Variants in MUC5AC observed in about 807,000 individuals in gnomAD.
MUC5AC encodes the protein mucin-5AC.
In MUC5AC, 158 loss-of-function variants were observed where a neutral mutation model predicts 169.7. That is an observed-to-expected ratio of 0.93 (90% confidence interval 0.82 to 1.06). The LOEUF (loss-of-function observed/expected upper bound fraction) is 1.06. Ranked by LOEUF, MUC5AC falls within the 50% of genes least tolerant of loss-of-function variation. The pLI is 0.00. For missense variants in MUC5AC, 4,359 were observed against 3,089.9 expected (o/e 1.41, Z -9.74); for synonymous variants, 1,975 against 1,237.0 (o/e 1.60, Z -12.52).
Position 1,183,434 on chromosome 11 carries a change from TG to T in MUC5AC, c.5291del (p.Gly1764ValfsTer37). The T allele has an allele frequency of 1.6e-6, 1 of 640,082 alleles. No homozygotes were observed. The highest frequency in any genetic ancestry group is 2.4e-5 in the Admixed American group (1 of 41,552). 39.7% of individuals were successfully genotyped at this position (640,082 alleles called of 1,614,324 possible). A position where few individuals can be genotyped will look rare whatever the true frequency, so the allele number is the denominator to read the frequency against. ...DVDFPSPGPH[G>X]GDKETYNNII... ...TGGACTTCCCGTCCCCCGGACCCCA[TG>T]GTGGAGACAAGGAAACCTACAACAA... On this transcript the variant is annotated frameshift_variant, in exon 31 of 49. Coordinates refer to ENST00000621226, the MANE Select transcript of MUC5AC (RefSeq NM_001304359.2). LOFTEE classifies it high-confidence loss of function.
At position 1,185,648 on chromosome 11, in the gene MUC5AC, C is replaced by A; in HGVS notation, c.7503C>A (p.Thr2501=). Residue 2501 remains threonine (T), a synonymous_variant, in exon 31 of 49, where the codon ACC becomes ACA. Coordinates refer to ENST00000621226, the MANE Select transcript of MUC5AC (RefSeq NM_001304359.2). ...GACCTGTTCCTACCACCAGCACAAC[C>A]TCTTCTCCTACAACCAGCACAACCT... ...TPRPVPTTST[T]SSPTTSTTSA... 2 of 739,054 alleles carry A rather than the reference C, an allele frequency of 2.7e-6. No homozygotes were observed. Among genetic ancestry groups the A allele is most frequent in the Non-Finnish European group, 4.9e-6 (2 of 404,814 alleles). 45.8% of individuals were successfully genotyped at this position (739,054 alleles called of 1,614,324 possible).
At chr11:1,163,721 G>A (rs1168761134) in intron 6 of MUC5AC, among the ~76,000 whole-genome samples, 161 bp from the exon 7 acceptor site, 1 of 152,106 alleles carries the variant, frequency 6.6e-6, no homozygotes, top group Non-Finnish European at 1.5e-5. Context: ...GTGGCCAAGC[G>A]GGTGCAGTCA....
rs1260649764 is a variant in MUC5AC at position 1,187,171 on chromosome 11, C to A, written c.9026C>A (p.Thr3009Lys). The change falls in exon 31 of 49, where the codon ACA becomes AAA. Residue 3009 changes from threonine to lysine, a missense_variant. Thr to Lys is a moderately conservative substitution (Grantham distance 78). Transcript: ENST00000621226. Reference sequence around the variant, plus strand: ...ACAACCAGCACAATCTCGGCCCCAACAACCAGCACACCCTCTGCCCCTACA... The same window carrying A: ...ACAACCAGCACAATCTCGGCCCCAAAAACCAGCACACCCTCTGCCCCTACA... ...APTTSTISAP[T>K]TSTPSAPTTS... The A allele has an allele frequency of 1.4e-6, 1 of 706,422 alleles. No homozygotes were observed. The highest frequency in any genetic ancestry group is 1.5e-5 in the South Asian group (1 of 68,172). 43.8% of individuals were successfully genotyped at this position (706,422 alleles called of 1,614,324 possible). A position where few individuals can be genotyped will look rare whatever the true frequency, so the allele number is the denominator to read the frequency against.
chr11:1,200,683 C>T lies in MUC5AC; in HGVS notation c.16946C>T (p.Pro5649Leu), dbSNP rs1481038817. 1.3e-6 allele frequency: 1 copy of T among 759,200 alleles called. No individual in the cohort carries two copies. The highest frequency in any genetic ancestry group is 1.4e-5 in the South Asian group (1 of 73,822). The allele number at this position is 759,200 out of a possible 1,614,324, so 47.0% of individuals were successfully genotyped here. A position where few individuals can be genotyped will look rare whatever the true frequency, so the allele number is the denominator to read the frequency against. ...AESGSWERGV[P>L]VSPMH ...AGTGGGAGCTGGGAGAGAGGCGTCCCAGTGTCCCCCATGCACTGACCAGCA... is the reference window on the plus strand; with the variant it reads ...AGTGGGAGCTGGGAGAGAGGCGTCCTAGTGTCCCCCATGCACTGACCAGCA... Residue 5649 changes from proline to leucine, a missense_variant, in exon 49 of 49, where the codon CCA (proline) becomes CTA (leucine). Transcript: ENST00000621226.
chr11:1,169,628 T>TCACTCACC (rs1860439888), intron 15 of MUC5AC, among the ~76,000 whole-genome samples: 1 of 109,832 alleles, frequency 9.1e-6, no homozygotes, highest in Non-Finnish European at 1.8e-5. Flanking sequence ...CTCACCTCAC[T>TCACTCACC]CACTCACCCA....
intron 30 of MUC5AC, among the ~76,000 whole-genome samples, chr11:1,181,712 C>T (rs1194719342): frequency 2.6e-5 from 4 of 152,324 alleles, no homozygotes; most frequent in East Asian, 3.9e-4. Flanking sequence ...CCCTCAGCAG[C>T]CCCCGGGCCT....
Position 1,185,504 on chromosome 11 carries a change from C to A in MUC5AC, c.7359C>A (p.Ser2453Arg). 2.7e-6 allele frequency: 2 copies of A among 727,612 alleles called. No individual in the cohort carries two copies. The highest frequency in any genetic ancestry group is 5.0e-6 in the Non-Finnish European group (2 of 398,952). 45.1% of individuals were successfully genotyped at this position (727,612 alleles called of 1,614,324 possible). ...STTSGPGTTPSPVPTTSTTSA... is the reference protein window; with the variant it reads ...STTSGPGTTPRPVPTTSTTSA... ...CTTCTGGTCCTGGAACTACCCCAAG[C>A]CCTGTTCCCACGACCAGCACAACCT... is the stretch of plus-strand genomic sequence containing the variant. The change falls in exon 31 of 49, where the codon AGC (serine) becomes AGA (arginine). Residue 2453 changes from serine (S) to arginine (R), a missense_variant. Transcript: ENST00000621226.
Position 1,191,583 on chromosome 11 carries a change from A to G in MUC5AC, c.13438A>G (p.Thr4480Ala), listed in dbSNP as rs1295109477. 17 of 744,510 alleles carry G rather than the reference A, an allele frequency of 2.3e-5. No homozygotes were observed. Among genetic ancestry groups the G allele is most frequent in the Middle Eastern group, 4.6e-4 (2 of 4,374 alleles). The allele number at this position is 744,510 out of a possible 1,614,324, so 46.1% of individuals were successfully genotyped here. ...ITSMTSGPGTTPSPVPTTSTT... is the reference protein window; with the variant it reads ...ITSMTSGPGTAPSPVPTTSTT... Reference sequence around the variant, plus strand: ...CAGCATGACCTCTGGTCCTGGAACTACTCCCAGCCCTGTTCCCACCACCAG... The same window carrying G: ...CAGCATGACCTCTGGTCCTGGAACTGCTCCCAGCCCTGTTCCCACCACCAG... Residue 4480 changes from threonine to alanine, a missense_variant, in exon 31 of 49, where the codon ACT becomes GCT. Physicochemically the swap from Thr to Ala is moderately conservative, Grantham distance 58 (BLOSUM62 0). Transcript: ENST00000621226.
intron 12 of MUC5AC, 82 bp downstream of exon 12, chr11:1,168,069 C>T (rs1860387117): frequency 2.5e-6 from 3 of 1,217,244 alleles, no homozygotes; most frequent in African/African-American, 1.5e-5. Context: ...CCAAGCCCTT[C>T]ATCCCTGGCA....
At position 1,196,662 on chromosome 11, in the gene MUC5AC, G is replaced by A. The variant is rs766568884; in HGVS notation, c.15771G>A (p.Pro5257=). Residue 5257 remains proline, a synonymous_variant, in exon 39 of 49, where the codon CCG becomes CCA. Coordinates refer to ENST00000621226, the MANE Select transcript of MUC5AC (RefSeq NM_001304359.2). ...CCATCACCGAAGGCTGCTTCTGTCC[G>A]GAGGGCATGACCCTCTTCAGCACCA... The part of the protein sequence containing the change: ...AGPITEGCFC[P]EGMTLFSTSA... 14 of 762,454 alleles carry A rather than the reference G, an allele frequency of 1.8e-5. No individual in the cohort carries two copies. The highest frequency in any genetic ancestry group is 2.6e-5 in the Non-Finnish European group (11 of 416,890). The allele number at this position is 762,454 out of a possible 1,614,324, so 47.2% of individuals were successfully genotyped here.
intron 32 of MUC5AC, among the ~76,000 whole-genome samples, chr11:1,193,203 G>A (rs919534564): frequency 6.6e-5 from 10 of 152,244 alleles, no homozygotes; most frequent in African/African-American, 2.2e-4. Flanking sequence ...GGGGCCGAAG[G>A]CTGAGGCTGT....
chr11:1,161,925 A>G lies in MUC5AC; in HGVS notation c.230A>G (p.Asn77Ser), dbSNP rs761621907. The G allele has an allele frequency of 6.2e-7, 1 of 1,611,864 alleles. No individual in the cohort carries two copies. The highest frequency in any genetic ancestry group is 1.1e-5 in the South Asian group (1 of 90,902). The change falls in exon 4 of 49, where the codon AAC becomes AGC. Residue 77 changes from asparagine (N) to serine (S), a missense_variant. Coordinates refer to ENST00000621226, the MANE Select transcript of MUC5AC (RefSeq NM_001304359.2). ...PVVRASNPAHNGRVCSTWGSF... is the reference protein window; with the variant it reads ...PVVRASNPAHSGRVCSTWGSF... ...ACCGCAGCCTCCAACCCGGCGCACA[A>G]CGGGCGGGTGTGCAGCACCTGGGGC...
rs1020945170 is a variant in MUC5AC at position 1,182,584 on chromosome 11, C to T, written c.4439C>T (p.Pro1480Leu). Residue 1480 changes from proline (P) to leucine (L), a missense_variant, in exon 31 of 49, where the codon CCC becomes CTC. Pro to Leu is a moderately conservative substitution (Grantham distance 98, BLOSUM62 -3). Transcript: ENST00000621226. Reference sequence around the variant, plus strand: ...AGGGTCCAGTGCTGCACGCCCCTACCCTGCTCCACCTCTAGCAGTCCAGCC... The same window carrying T: ...AGGGTCCAGTGCTGCACGCCCCTACTCTGCTCCACCTCTAGCAGTCCAGCC... ...QIRVQCCTPL[P>L]CSTSSSPAQT... is the part of the protein sequence containing the mutation. 3 of 398,768 alleles carry T rather than the reference C, an allele frequency of 7.5e-6. No homozygotes were observed. Among genetic ancestry groups the T allele is most frequent in the Middle Eastern group, 1.3e-3 (2 of 1,588 alleles). 24.7% of individuals were successfully genotyped at this position (398,768 alleles called of 1,614,324 possible).
intron 45 of MUC5AC, 70 bp from the exon 46 acceptor site, chr11:1,199,301 C>T (rs889759667): frequency 2.9e-5 from 20 of 697,402 alleles, no homozygotes; most frequent in African/African-American, 3.5e-5. Flanking sequence ...TGGAAGCCCA[C>T]GGGCTGGGGT....
rs1018183130 is a variant in MUC5AC, at chr11:1,197,953, C to T, written c.16084C>T (p.Arg5362Cys). The T allele has an allele frequency of 1.2e-5, 9 of 736,250 alleles. No homozygotes were observed. The highest frequency in any genetic ancestry group is 5.7e-5 in the South Asian group (4 of 69,876). 45.6% of individuals were successfully genotyped at this position (736,250 alleles called of 1,614,324 possible). ...PAPVGCPEGA[R>C]AIPTYQEGAC... The stretch of plus-strand genomic sequence containing the variant: ...GCCCGTGGGCTGTCCTGAGGGCGCC[C>T]GCGCGATCCCGACCTACCAGGAGGG... The change falls in exon 42 of 49, where the codon CGC becomes TGC. Residue 5362 changes from arginine (R) to cysteine (C), a missense_variant. Physicochemically the swap from Arg to Cys is radical, Grantham distance 180. Transcript: ENST00000621226.
intron 17 of MUC5AC, 71 bp from the exon 18 acceptor site, chr11:1,174,811 G>A: frequency 4.5e-6 from 2 of 443,872 alleles, no homozygotes; most frequent in Non-Finnish European, 4.0e-6. Flanking sequence ...AGAGGGCTGG[G>A]CTCACTCACT....
At position 1,197,207 on chromosome 11, in the gene MUC5AC, G is replaced by T. The variant is rs189176843; in HGVS notation, c.15862-261G>T. ...GCTGTGCTCTTCCCTTCCTTGGGAC[G>T]CCCCTTCTGCCCAGCCAAGACTGTG... On this transcript the variant is annotated intron_variant, in intron 40 of 48. Transcript: ENST00000621226. Among the ~76,000 whole-genome samples, 12 of 152,294 alleles carry T rather than the reference G, an allele frequency of 7.9e-5. 1 individual carries two copies. In the East Asian group the frequency reaches 1.9e-3, roughly 25 times the overall value.
At chr11:1,165,491 G>A in intron 10 of MUC5AC, 72 bp downstream of exon 10, 1 of 1,582,216 alleles carries the variant, frequency 6.3e-7, no homozygotes, top group Non-Finnish European at 8.6e-7. Flanking sequence ...TGCAACCCAG[G>A]CCGGCAGGCT....
intron 31 of MUC5AC, 110 bp from the exon 32 acceptor site, chr11:1,192,672 AT>A: frequency 2.9e-6 from 2 of 684,836 alleles, no homozygotes; most frequent in Admixed American, 2.1e-5. Context: ...ATTCTCTGAA[AT>A]TTTTTCCCAT....
Sources: allele counts gnomAD v4.1 joint callset (sites outside exome capture counted in the v4.1 genomes callset), GRCh38; gene constraint gnomAD v4.1.1; transcripts MANE v1.5; gene names NCBI Gene and HGNC (gene_info 2026-07-23, HGNC 2026-07-21).